Variants in CACNB4 observed in about 807,000 individuals in gnomAD.
The protein encoded by CACNB4 is voltage-dependent L-type calcium channel subunit beta-4.
A neutral mutation model predicts 71.2 loss-of-function variants in CACNB4; 32 were observed. That is an observed-to-expected ratio of 0.45 (90% confidence interval 0.34 to 0.60). The LOEUF (loss-of-function observed/expected upper bound fraction) is 0.60. CACNB4 is among the 20% of genes least tolerant of loss of function. CACNB4 has a pLI of 0.01. For synonymous variants in CACNB4, 231 were observed against 236.9 expected (o/e 0.97, Z 0.23); for missense variants, 464 against 647.9 (o/e 0.72, Z 3.08).
chr2:151,986,494 C>A (rs530494407), intron 2 of CACNB4, among the ~76,000 whole-genome samples: 1 of 152,144 alleles, frequency 6.6e-6, no homozygotes, highest in Admixed American at 6.5e-5. Flanking sequence ...ATCCCACTCC[C>A]ATCTCTAAGA....
chr2:151,993,992 C>A (rs1462400590), intron 2 of CACNB4, among the ~76,000 whole-genome samples: 1 of 151,606 alleles, frequency 6.6e-6, no homozygotes, highest in Non-Finnish European at 1.5e-5. Context: ...GATAACATGG[C>A]AAGACCCTAT....
At chr2:151,919,222 T>A (rs1205917968) in intron 2 of CACNB4, among the ~76,000 whole-genome samples, 1 of 152,134 alleles carries the variant, frequency 6.6e-6, no homozygotes, top group African/African-American at 2.4e-5. Flanking sequence ...AGGATTGTCT[T>A]CTCTTTTTAC....
rs35206904 is a variant in CACNB4 at position 151,882,181 on chromosome 2, CTTTTTTTTTTT to C, written c.267+1059_267+1069del. Among the ~76,000 whole-genome samples, 18 of 50,838 alleles carry C rather than the reference CTTTTTTTTTTT, an allele frequency of 3.5e-4. No individual in the cohort carries two copies. The East Asian group carries it at 3.6e-3, about 10-fold the overall frequency. 33.4% of individuals were successfully genotyped at this position (50,838 alleles called of 152,430 possible). A position where few individuals can be genotyped will look rare whatever the true frequency, so the allele number is the denominator to read the frequency against. On this transcript the variant is annotated intron_variant, in intron 3 of 13. Transcript: ENST00000539935. ...GGCGTAAGCCACTGCACCGGCCCCT[CTTTTTTTTTTT>C]TTTTTTTTTTTTTTTTGGTAGGGTT...
intron 2 of CACNB4, among the ~76,000 whole-genome samples, chr2:152,000,563 A>G (rs73013218): frequency 0.044 from 6,660 of 152,282 alleles, 472 homozygotes; most frequent in African/African-American, 0.15. Flanking sequence ...GATCCTGCAA[A>G]CCCAAGACGT....
At chr2:152,022,923 G>A (rs572745432) in intron 2 of CACNB4, among the ~76,000 whole-genome samples, 2 of 152,156 alleles carry the variant, frequency 1.3e-5, no homozygotes, top group African/African-American at 4.8e-5. Context: ...ACTTGGAAAA[G>A]TTAAGGAACA....
At chr2:151,855,997 TA>T (rs779746369) in intron 10 of CACNB4, among the ~76,000 whole-genome samples, 2,519 of 143,928 alleles carry the variant, frequency 0.018, 28 homozygotes, top group Non-Finnish European at 0.023. Flanking sequence ...GCTTCAGTAT[TA>T]AAAAAAAAAA....
chr2:151,998,947 G>A (rs1158050923), intron 2 of CACNB4, among the ~76,000 whole-genome samples: 1 of 152,144 alleles, frequency 6.6e-6, no homozygotes, highest in African/African-American at 2.4e-5. Flanking sequence ...TCACCCTCAC[G>A]AAGATGCAAA....
At chr2:151,976,791 C>A (rs1184090263) in intron 2 of CACNB4, among the ~76,000 whole-genome samples, 1 of 152,162 alleles carries the variant, frequency 6.6e-6, no homozygotes, top group African/African-American at 2.4e-5. Flanking sequence ...AAACTGAGAC[C>A]AGGCTGAGAA....
At chr2:151,930,090 C>A (rs1321528421) in intron 2 of CACNB4, among the ~76,000 whole-genome samples, 1 of 151,966 alleles carries the variant, frequency 6.6e-6, no homozygotes, top group Non-Finnish European at 1.5e-5. Context: ...ACTAACCCTG[C>A]CAAATATGAA....
chr2:151,880,367 T>C (rs2099847525), intron 4 of CACNB4: 1 of 192,412 alleles, frequency 5.2e-6, no homozygotes, highest in African/African-American at 2.4e-5. Flanking sequence ...ACTCTAGTGT[T>C]GGTTCCATAG....
intron 2 of CACNB4, among the ~76,000 whole-genome samples, chr2:152,071,467 G>A (rs950399779): frequency 2.0e-5 from 3 of 152,020 alleles, no homozygotes; most frequent in Admixed American, 6.6e-5. Context: ...TCTTATTAAG[G>A]GGAAGCTTTT....
At chr2:152,085,111 T>A (rs1218899195) in intron 2 of CACNB4, among the ~76,000 whole-genome samples, 1 of 151,704 alleles carries the variant, frequency 6.6e-6, no homozygotes, top group Non-Finnish European at 1.5e-5. Flanking sequence ...CAAGTGGAAA[T>A]GGGGAAAGCA....
chr2:151,921,653 A>G (rs910999236), intron 2 of CACNB4, among the ~76,000 whole-genome samples: 12 of 151,946 alleles, frequency 7.9e-5, no homozygotes, highest in African/African-American at 2.2e-4. Context: ...CATATTTGAT[A>G]TGGTTTGGCT....
At chr2:151,899,821 G>C (rs1214115334) in intron 2 of CACNB4, among the ~76,000 whole-genome samples, 1 of 152,182 alleles carries the variant, frequency 6.6e-6, no homozygotes, top group African/African-American at 2.4e-5. Flanking sequence ...TATGAGGCCT[G>C]TACCTTAGTA....
At chr2:152,077,995 G>C (rs1180938960) in intron 2 of CACNB4, among the ~76,000 whole-genome samples, 1 of 152,184 alleles carries the variant, frequency 6.6e-6, no homozygotes, top group Non-Finnish European at 1.5e-5. Context: ...TGGACAGAGG[G>C]AGATTCTTTC....
intron 2 of CACNB4, among the ~76,000 whole-genome samples, chr2:152,046,480 A>C (rs886771575): frequency 6.6e-6 from 1 of 152,228 alleles, no homozygotes; most frequent in Non-Finnish European, 1.5e-5. Flanking sequence ...TGACTGCTGC[A>C]AACAGGAGAA....
chr2:152,070,246 G>A (rs761112654), intron 2 of CACNB4, among the ~76,000 whole-genome samples: 5 of 152,192 alleles, frequency 3.3e-5, no homozygotes, highest in Non-Finnish European at 7.3e-5. Context: ...TTTTCTGTGG[G>A]AGGTACAAAC....
rs570577539 is a variant in CACNB4 at position 151,848,752 on chromosome 2, G to A, written c.1116+4696C>T. 9.1e-4 allele frequency among the ~76,000 whole-genome samples: 139 copies of A among 152,274 alleles called. 1 individual carries two copies. Among genetic ancestry groups the A allele is most frequent in the African/African-American group, 3.1e-3 (130 of 41,556 alleles). ...CAAACAGCCACAGGGTCAGCTTTGG[G>A]TAACACAAGCCAGATTGTAACTAAG... On this transcript the variant is annotated intron_variant, in intron 12 of 13. Transcript: ENST00000539935.
rs2099841353 is a variant in CACNB4, at chr2:151,860,470, C to T, written c.868+241G>A. The T allele has an allele frequency of 7.5e-6, 4 of 531,722 alleles. 1 individual carries two copies. The South Asian group carries it at 9.5e-5, about 13-fold the overall frequency. The allele number at this position is 531,722 out of a possible 1,614,324, so 32.9% of individuals were successfully genotyped here. Reference sequence around the variant, plus strand: ...GTTAGGCAGGAAAAGACTAGGAGAGCCCATTGAGGATTCTTTCCACCAGAC... The same window carrying T: ...GTTAGGCAGGAAAAGACTAGGAGAGTCCATTGAGGATTCTTTCCACCAGAC... On this transcript the variant is annotated intron_variant, in intron 10 of 13. Transcript: ENST00000539935.
Sources: gnomAD v4.1 joint callset for allele counts (sites outside exome capture counted in the v4.1 genomes callset) on GRCh38, gnomAD v4.1.1 for gene constraint, MANE v1.5 for transcripts, NCBI Gene and HGNC (gene_info 2026-07-23, HGNC 2026-07-21) for gene names.